The following MICAL3 variants were observed in gnomAD, a reference collection of about 807,000 sequenced individuals.
The protein encoded by MICAL3 is microtubule associated monooxygenase, calponin and LIM domain containing 3, also known as [F-actin]-monooxygenase MICAL3.
Under a neutral mutation model 207.4 loss-of-function variants are expected in MICAL3, and 62 were observed. The observed-to-expected ratio is 0.30, with a 90% confidence interval of 0.24 to 0.37. The LOEUF is 0.37. Among genes scored for constraint, MICAL3 ranks in the 10% least tolerant of loss-of-function variants. MICAL3 has a pLI of 1.00. For missense variants in MICAL3, 2,368 were observed against 2,635.6 expected (o/e 0.90, Z 2.22); for synonymous variants, 1,077 against 1,069.3 (o/e 1.01, Z -0.14).
intron 29 of MICAL3, among the ~76,000 whole-genome samples, chr22:17,802,573 A>C (rs1346142431): frequency 2.0e-5 from 3 of 152,102 alleles, no homozygotes; most frequent in African/African-American, 7.2e-5. Flanking sequence ...GGAGCGTGGG[A>C]CTGGAGAACA....
rs561861724 is a variant in MICAL3 at position 17,994,014 on chromosome 22, G to A, written c.-75+30267C>T. The stretch of plus-strand genomic sequence containing the variant: ...AAAGCAGGGATCATAACAGCACCCC[G>A]TCTGTCCGCTGTGGTGAGGACTGAG... On this transcript the variant is annotated intron_variant, in intron 1 of 31. Coordinates refer to ENST00000441493, the MANE Select transcript of MICAL3 (RefSeq NM_015241.3). Among the ~76,000 whole-genome samples, 129 of 152,282 alleles carry A rather than the reference G, an allele frequency of 8.5e-4. 4 individuals carry two copies. In the South Asian group the frequency reaches 0.026, roughly 30 times the overall value.
At chr22:17,863,715 T>C (rs1926768508) in intron 19 of MICAL3, 2 of 985,160 alleles carry the variant, frequency 2.0e-6, no homozygotes, top group Non-Finnish European at 2.4e-6. Flanking sequence ...GGGCGCATCT[T>C]CCCTCTCCCA....
chr22:17,804,118 A>G (rs2075306), intron 29 of MICAL3, among the ~76,000 whole-genome samples: 8,333 of 152,202 alleles, frequency 0.055, 426 homozygotes, highest in East Asian at 0.17. Context: ...TGGGGAGTCA[A>G]TGGTCACTAT....
At chr22:18,000,965 G>C (rs1309601058) in intron 1 of MICAL3, 3 of 143,144 alleles carry the variant, frequency 2.1e-5, no homozygotes, top group Non-Finnish European at 4.6e-5. Context: ...GCCCCAAAAA[G>C]CACCCCCCGA....
chr22:17,861,985 TAAAGG>T, intron 19 of MICAL3: 1 of 985,268 alleles, frequency 1.0e-6, no homozygotes, highest in Non-Finnish European at 1.2e-6. Context: ...AAAAAGAACA[TAAAGG>T]AGAAGAGAGA....
At chr22:17,863,456 T>C (rs551949720) in intron 19 of MICAL3, 2 of 985,468 alleles carry the variant, frequency 2.0e-6, no homozygotes, top group East Asian at 2.3e-4. Context: ...ATTCTGCCCA[T>C]GCTCTGAGAG....
chr22:17,791,357 C>A, intron 29 of MICAL3, 56 bp from the exon 30 acceptor site: 4 of 1,443,484 alleles, frequency 2.8e-6, no homozygotes, highest in Non-Finnish European at 2.9e-6. Context: ...CCCTGGCCCG[C>A]AGGAATCACA....
chr22:17,985,133 T>C (rs1357805994), intron 1 of MICAL3, among the ~76,000 whole-genome samples: 2 of 152,194 alleles, frequency 1.3e-5, no homozygotes, highest in South Asian at 2.1e-4. Flanking sequence ...CTGCATGCAA[T>C]ATTGCAGGAA....
intron 19 of MICAL3, chr22:17,863,906 G>A (rs1002247898): frequency 1.0e-6 from 1 of 985,396 alleles, no homozygotes; most frequent in African/African-American, 1.7e-5. Flanking sequence ...TATGAGTTTT[G>A]TATATAGCTG....
intron 1 of MICAL3, among the ~76,000 whole-genome samples, chr22:18,020,613 T>TAAAAAAAAAAAAAAAA (rs55654559): frequency 5.0e-5 from 6 of 119,752 alleles, no homozygotes; most frequent in African/African-American, 2.0e-4. Context: ...CTTTAAAAAG[T>TAAAAAAAAAAAAAAAA]AAAAAAAAAA....
chr22:17,790,453 G>C lies in MICAL3; in HGVS notation c.*279C>G, dbSNP rs746640629. The C allele has an allele frequency of 2.4e-5, 11 of 461,888 alleles. No homozygotes were observed. The highest frequency in any genetic ancestry group is 3.9e-5 in the Non-Finnish European group (10 of 257,908). 28.6% of individuals were successfully genotyped at this position (461,888 alleles called of 1,614,324 possible). ...GCCAGCACATCCTCAGGGAGCGCGCGGGGTGGTCCCCTGCGTCATGCCATA... is the reference window on the plus strand; with the variant it reads ...GCCAGCACATCCTCAGGGAGCGCGCCGGGTGGTCCCCTGCGTCATGCCATA... On this transcript the variant is annotated 3_prime_UTR_variant, in exon 32 of 32. Transcript: ENST00000441493.
At position 17,831,881 on chromosome 22, in the gene MICAL3, C is replaced by T; in HGVS notation, c.3028G>A (p.Asp1010Asn). ...TCACTGGACTCTTCCTCCTCCTCGTCATAGTCCTCCTCCTCCTCCTCTTCA... is the reference window on the plus strand; with the variant it reads ...TCACTGGACTCTTCCTCCTCCTCGTTATAGTCCTCCTCCTCCTCCTCTTCA... ...EYEEEEEEDY[D>N]EEEEESSEAG... Residue 1010 changes from aspartate (D) to asparagine (N), a missense_variant, in exon 21 of 32, where the codon GAC becomes AAC. By Grantham distance (23) the Asp-to-Asn change is conservative (BLOSUM62 1). Transcript: ENST00000441493. The T allele has an allele frequency of 6.4e-7, 1 of 1,553,870 alleles. No individual in the cohort carries two copies. The highest frequency in any genetic ancestry group is 1.2e-5 in the South Asian group (1 of 84,134).
At chr22:18,014,340 T>C (rs544820069) in intron 1 of MICAL3, among the ~76,000 whole-genome samples, 11 of 152,328 alleles carry the variant, frequency 7.2e-5, no homozygotes, top group African/African-American at 2.2e-4. Flanking sequence ...CTCGAGGTTA[T>C]GTAGCAAACC....
chr22:17,825,323 T>G (rs1292746803), intron 22 of MICAL3, among the ~76,000 whole-genome samples: 1 of 152,006 alleles, frequency 6.6e-6, no homozygotes. Flanking sequence ...GGACACAGCT[T>G]GAGGGGTGGA....
chr22:17,896,511 G>T, intron 8 of MICAL3, 150 bp from the exon 9 acceptor site: 4 of 758,720 alleles, frequency 5.3e-6, no homozygotes, highest in Non-Finnish European at 8.7e-6. Flanking sequence ...TTGGCAAGGA[G>T]TAAGTCAAAA....
chr22:17,916,185 A>G (rs781395154), intron 1 of MICAL3, among the ~76,000 whole-genome samples: 4 of 151,860 alleles, frequency 2.6e-5, no homozygotes, highest in Non-Finnish European at 4.4e-5. Flanking sequence ...GCAAGTTTCT[A>G]TCGGTAATCA....
Position 17,959,597 on chromosome 22 carries a change from G to A in MICAL3, c.-74-52711C>T, listed in dbSNP as rs527470394. Among the ~76,000 whole-genome samples the A allele has an allele frequency of 1.1e-3, 161 of 152,344 alleles. 2 individuals carry two copies. The highest frequency in any genetic ancestry group is 1.9e-3 in the Non-Finnish European group (130 of 68,030). On this transcript the variant is annotated intron_variant, in intron 1 of 31. Coordinates refer to ENST00000441493, the MANE Select transcript of MICAL3 (RefSeq NM_015241.3). Reference sequence around the variant, plus strand: ...CCCAAAGTGCTGGGATTACAGGCATGAGCCACCACACCTCAGGGCCTGTTT... The same window carrying A: ...CCCAAAGTGCTGGGATTACAGGCATAAGCCACCACACCTCAGGGCCTGTTT...
rs1470342 is a variant in MICAL3 at position 17,812,766 on chromosome 22, T to A, written c.5446-1953A>T. On this transcript the variant is annotated intron_variant, in intron 27 of 31. Transcript: ENST00000441493. ...GTGTGAAGATCCTAGCGGCGGCGTC[T>A]GAGTGGACCTGGTTTTGAATACGGC... The A allele has an allele frequency of 6.0e-3, 929 of 154,610 alleles. 6 individuals are homozygous for A. Among genetic ancestry groups the A allele is most frequent in the Admixed American group, 0.011 (174 of 15,306 alleles). 9.6% of individuals were successfully genotyped at this position (154,610 alleles called of 1,614,324 possible).
intron 1 of MICAL3, among the ~76,000 whole-genome samples, chr22:17,938,775 T>C (rs973105602): frequency 6.6e-6 from 1 of 152,124 alleles, no homozygotes; most frequent in African/African-American, 2.4e-5. Flanking sequence ...CAAGCTGACA[T>C]CTCAAGGTCA....
Sources: allele counts gnomAD v4.1 joint callset (sites outside exome capture counted in the v4.1 genomes callset), GRCh38; gene constraint gnomAD v4.1.1; transcripts MANE v1.5; gene names NCBI Gene and HGNC (gene_info 2026-07-23, HGNC 2026-07-21).